Variants in PRDM16 observed in about 807,000 individuals in gnomAD.
PRDM16 encodes PR/SET domain 16.
Under a neutral mutation model 110.6 loss-of-function variants are expected in PRDM16, and 23 were observed. The ratio of observed to expected loss-of-function variants is 0.21; its 90% CI spans 0.15 to 0.29. The LOEUF is 0.29. Ranked by LOEUF, PRDM16 falls within the 10% of genes least tolerant of loss-of-function variation. The pLI, the probability that PRDM16 is intolerant of heterozygous loss-of-function variation, is 1.00. For synonymous variants in PRDM16, 799 were observed against 781.8 expected, an observed-to-expected ratio of 1.02 and a Z score of -0.37; for missense variants, 1,615 against 1,794.3, an observed-to-expected ratio of 0.90 and a Z score of 1.81.
chr1:3,402,744 GC>G (rs771003668), intron 5 of PRDM16, 46 bp from the exon 6 acceptor site: 4 of 1,559,040 alleles, frequency 2.6e-6, no homozygotes, highest in Non-Finnish European at 3.5e-6. Context: ...ATAGCCCTGG[GC>G]TGGGTCTCCA....
At position 3,370,233 on chromosome 1, in the gene PRDM16, A is replaced by T. The variant is rs1295446158; in HGVS notation, c.439-14919A>T. On this transcript the variant is annotated intron_variant, in intron 3 of 16. Transcript: ENST00000270722. The surrounding 1 kb of genome is among the most constrained non-coding windows in gnomAD (Gnocchi z 4.8). ...CTGCACCTAGGGGAAAATTGCAACC[A>T]TAACACTTTCCAGAGGACAATGATC... is the stretch of plus-strand genomic sequence containing the variant. Among the ~76,000 whole-genome samples, 2 of 152,192 alleles carry T rather than the reference A, an allele frequency of 1.3e-5. No individual in the cohort carries two copies. Among genetic ancestry groups the T allele is most frequent in the African/African-American group, 4.8e-5 (2 of 41,444 alleles).
chr1:3,270,708 G>T (rs576985364), intron 3 of PRDM16, among the ~76,000 whole-genome samples: 1 of 150,654 alleles, frequency 6.6e-6, no homozygotes, highest in Non-Finnish European at 1.5e-5. Flanking sequence ...GACAGTCCCG[G>T]AGGAGGACAG....
At chr1:3,195,990 C>T (rs1403638075) in intron 2 of PRDM16, among the ~76,000 whole-genome samples, 2 of 152,194 alleles carry the variant, frequency 1.3e-5, no homozygotes, top group Non-Finnish European at 2.9e-5. Context: ...ACACAGCCAC[C>T]CTCGCTCTGA....
chr1:3,191,091 A>G (rs1638298403), intron 2 of PRDM16, among the ~76,000 whole-genome samples: 1 of 152,220 alleles, frequency 6.6e-6, no homozygotes, highest in African/African-American at 2.4e-5. Context: ...GTGTCTCCCC[A>G]GAAAGGCTCT....
chr1:3,305,381 C>T (rs1641290373), intron 3 of PRDM16, among the ~76,000 whole-genome samples: 1 of 152,154 alleles, frequency 6.6e-6, no homozygotes, highest in Non-Finnish European at 1.5e-5. Context: ...GGCCCAGGTG[C>T]CCAGGCCCCG....
chr1:3,160,388 G>T (rs965925041), intron 1 of PRDM16, among the ~76,000 whole-genome samples: 2 of 152,184 alleles, frequency 1.3e-5, no homozygotes, highest in African/African-American at 2.4e-5. Context: ...GGGGGAGGGG[G>T]CTTTGGCCTG....
intron 3 of PRDM16, among the ~76,000 whole-genome samples, chr1:3,329,837 C>T (rs1186683990): frequency 1.3e-5 from 2 of 152,250 alleles, no homozygotes; most frequent in Admixed American, 6.5e-5. Flanking sequence ...CTGTGTTCTC[C>T]GGCCTCCCAT....
At chr1:3,399,565 G>A (rs776797906) in intron 5 of PRDM16, among the ~76,000 whole-genome samples, 42 of 152,186 alleles carry the variant, frequency 2.8e-4, no homozygotes, top group African/African-American at 1.9e-4. Context: ...AGCTCCATCC[G>A]TGGAGGGCTG....
intron 1 of PRDM16, among the ~76,000 whole-genome samples, chr1:3,185,748 C>T (rs1018645394): frequency 1.3e-5 from 2 of 152,250 alleles, no homozygotes; most frequent in East Asian, 3.9e-4. Flanking sequence ...GCTTCACCGG[C>T]TGTCCCCAGG....
At chr1:3,200,361 G>A (rs960423488) in intron 2 of PRDM16, among the ~76,000 whole-genome samples, 19 of 151,838 alleles carry the variant, frequency 1.3e-4, no homozygotes, top group Middle Eastern at 3.4e-3. Context: ...TTTATTTTTT[G>A]AGATGGAGTC....
chr1:3,325,911 T>C (rs1046566041), intron 3 of PRDM16, among the ~76,000 whole-genome samples: 8 of 130,880 alleles, frequency 6.1e-5, no homozygotes, highest in African/African-American at 2.5e-4. Flanking sequence ...CTCTTGGCCC[T>C]CCTTGGCCCT....
rs1371054056 is a variant in PRDM16, at chr1:3,328,651, C to T, written c.439-56501C>T. On this transcript the variant is annotated intron_variant, in intron 3 of 16. Coordinates refer to ENST00000270722, the MANE Select transcript of PRDM16 (RefSeq NM_022114.4). Reference sequence around the variant, plus strand: ...GAACAGAGGCCTGAACAGATGCTTTCGGGCCAGGAGTCTGTTTTATCAGAC... The same window carrying T: ...GAACAGAGGCCTGAACAGATGCTTTTGGGCCAGGAGTCTGTTTTATCAGAC... Among the ~76,000 whole-genome samples, 11 of 152,244 alleles carry T rather than the reference C, an allele frequency of 7.2e-5. No homozygotes were observed. In the East Asian group the frequency reaches 1.2e-3, roughly 16 times the overall value.
intron 4 of PRDM16, among the ~76,000 whole-genome samples, chr1:3,391,503 TG>T (rs1384716074): frequency 1.3e-5 from 2 of 152,252 alleles, no homozygotes; most frequent in Non-Finnish European, 2.9e-5. Context: ...GTAATTTAAC[TG>T]TGGACTCGTC....
chr1:3,430,956 C>T lies in PRDM16; in HGVS notation c.3369C>T (p.Asp1123=), dbSNP rs370420046. 9.6e-4 allele frequency: 1,543 copies of T among 1,613,322 alleles called. 19 individuals are homozygous for T. The African/African-American group carries it at 0.018, about 19-fold the overall frequency. The change falls in exon 15 of 17, where the codon GAC becomes GAT. Residue 1123 remains aspartate, a synonymous_variant. Coordinates refer to ENST00000270722, the MANE Select transcript of PRDM16 (RefSeq NM_022114.4). ...AGGAGGACGTGGAGGAGGAGGACGA[C>T]GATGACCTGGAGGAGGACGATGAGG... ...EKQEDVEEED[D]DDLEEDDEDS... is the part of the protein sequence containing the mutation.
intron 1 of PRDM16, among the ~76,000 whole-genome samples, chr1:3,166,888 G>A (rs1643963490): frequency 1.3e-5 from 2 of 152,014 alleles, no homozygotes; most frequent in Admixed American, 6.5e-5. Flanking sequence ...TCCTCACGGC[G>A]GCCTACGAAG....
intron 1 of PRDM16, among the ~76,000 whole-genome samples, chr1:3,104,306 G>A (rs1205161878): frequency 2.6e-5 from 4 of 152,224 alleles, no homozygotes; most frequent in African/African-American, 9.7e-5. Flanking sequence ...TGTCCTTGCT[G>A]GAAGGTGCTA....
intron 1 of PRDM16, among the ~76,000 whole-genome samples, chr1:3,121,560 C>T (rs943398555): frequency 2.0e-5 from 3 of 152,224 alleles, no homozygotes; most frequent in African/African-American, 4.8e-5. Context: ...TAGTGTCTCC[C>T]GGCCTGGGCC....
At chr1:3,100,233 G>A (rs1265761605) in intron 1 of PRDM16, among the ~76,000 whole-genome samples, 2 of 152,212 alleles carry the variant, frequency 1.3e-5, no homozygotes, top group Non-Finnish European at 2.9e-5. Context: ...TGGCCCCAGT[G>A]CCCACTCTCT....
intron 3 of PRDM16, chr1:3,308,779 T>A (rs757219728): frequency 1.3e-5 from 2 of 152,246 alleles, no homozygotes; most frequent in Admixed American, 6.5e-5. Context: ...AGACGGCTGC[T>A]TTGCCTTCCA....
Sources: gnomAD v4.1 joint callset for allele counts (sites outside exome capture counted in the v4.1 genomes callset) on GRCh38, gnomAD v4.1.1 for gene constraint, Gnocchi (gnomAD v3.1) non-coding constraint, MANE v1.5 for transcripts, NCBI Gene and HGNC (gene_info 2026-07-23, HGNC 2026-07-21) for gene names.